Variants in NOTCH4 observed in about 807,000 individuals in gnomAD.
NOTCH4 encodes the protein neurogenic locus notch homolog protein 4.
In NOTCH4, 138 loss-of-function variants were observed where a neutral mutation model predicts 189.0. That is an observed-to-expected ratio of 0.73 (90% CI 0.64 to 0.84). NOTCH4 has a LOEUF of 0.84. Among genes scored for constraint, NOTCH4 ranks in the 40% least tolerant of loss-of-function variants. NOTCH4 has a pLI of 0.00. For missense variants in NOTCH4, 2,286 were observed against 2,605.4 expected, an observed-to-expected ratio of 0.88 and a Z score of 2.67; for synonymous variants, 942 against 1,032.8, an observed-to-expected ratio of 0.91 and a Z score of 1.69.
At chr6:32,209,990 A>T (rs1052520196) in intron 18 of NOTCH4, among the ~76,000 whole-genome samples, 1 of 152,142 alleles carries the variant, frequency 6.6e-6, no homozygotes, top group Non-Finnish European at 1.5e-5. Flanking sequence ...GCAACCACAC[A>T]CACAAAAAAG....
Position 32,202,446 on chromosome 6 carries a change from G to C in NOTCH4, c.3385C>G (p.Pro1129Ala). ...GGAGGGCCACAGCCTTTAGGAGCTG[G>C]TGGGGTCAGGCAGTCAGGACCCCCA... is the stretch of plus-strand genomic sequence containing the variant. ...GYGGPDCLTP[P>A]APKGCGPPSP... The change falls in exon 21 of 30, where the codon CCA becomes GCA. Residue 1129 changes from proline to alanine, a missense_variant. By Grantham distance (27) the Pro-to-Ala change is conservative. Around this residue, in one of 2 missense-constraint regions of NOTCH4, gnomAD observed 1,903 missense variants for 2,261.9 expected, o/e 0.84. Coordinates refer to ENST00000375023, the MANE Select transcript of NOTCH4 (RefSeq NM_004557.4). The surrounding 1 kb of genome is among the most constrained non-coding windows in gnomAD (Gnocchi z 5.7). 1 of 1,612,326 alleles carries C rather than the reference G, an allele frequency of 6.2e-7. No homozygotes were observed. The highest frequency in any genetic ancestry group is 1.1e-5 in the South Asian group (1 of 90,952).
chr6:32,217,849 A>C lies in NOTCH4; in HGVS notation c.1624+146T>G, dbSNP rs1789511498. 2 of 622,180 alleles carry C rather than the reference A, an allele frequency of 3.2e-6. No individual in the cohort carries two copies. The highest frequency in any genetic ancestry group is 2.7e-5 in the Admixed American group (1 of 37,610). The allele number at this position is 622,180 out of a possible 1,614,324, so 38.5% of individuals were successfully genotyped here. A position where few individuals can be genotyped will look rare whatever the true frequency, so the allele number is the denominator to read the frequency against. On this transcript the variant is annotated intron_variant, in intron 9 of 29. Transcript: ENST00000375023. This position sits in a 1 kb window ranked among gnomAD's most constrained non-coding sequence, Gnocchi z 4.2. The stretch of plus-strand genomic sequence containing the variant: ...GGAAGATTTGGGGATGTAAGAGTAG[A>C]GATTTTGGGGAGCAAAGACAGATTT...
rs1788369397 is a variant in NOTCH4 at position 32,201,838 on chromosome 6, G to A, written c.3755+238C>T. The A allele has an allele frequency of 9.6e-6, 4 of 417,916 alleles. No individual in the cohort carries two copies. Among genetic ancestry groups the A allele is most frequent in the Non-Finnish European group, 1.7e-5 (4 of 242,044 alleles). 25.9% of individuals were successfully genotyped at this position (417,916 alleles called of 1,614,324 possible). The stretch of plus-strand genomic sequence containing the variant: ...TTAGGGAAGGAGGCTTGAGACCTGA[G>A]TTCCTTCAACTCTTAGAGAGGAGCC... On this transcript the variant is annotated intron_variant, in intron 21 of 29. Transcript: ENST00000375023. The surrounding 1 kb of genome is among the most constrained non-coding windows in gnomAD (Gnocchi z 5.5).
chr6:32,220,322 C>T lies in NOTCH4; in HGVS notation c.1160-38G>A, dbSNP rs430916. ...GAGGGGGTGAGGCTCTCAAAGGCCA[C>T]TTGAAGCTCCTAGCAGTCCTCCTGG... On this transcript the variant is annotated intron_variant, in intron 6 of 29. Transcript: ENST00000375023. The T allele has an allele frequency of 0.25, 396,301 of 1,608,088 alleles. 52,042 individuals carry two copies. Among genetic ancestry groups the T allele is most frequent in the Middle Eastern group, 0.34 (2,034 of 6,018 alleles).
At position 32,216,720 on chromosome 6, in the gene NOTCH4, C is replaced by T. The variant is rs1789432617; in HGVS notation, c.1861+225G>A. On this transcript the variant is annotated intron_variant, in intron 11 of 29. Coordinates refer to ENST00000375023, the MANE Select transcript of NOTCH4 (RefSeq NM_004557.4). The stretch of plus-strand genomic sequence containing the variant: ...TTGAGCCCCGTCCTCTGCTCCCAAG[C>T]CGCAATCACACCATTTACACTGGGC... 2.4e-5 allele frequency: 15 copies of T among 619,432 alleles called. 2 individuals are homozygous for T. In the South Asian group the frequency reaches 3.0e-4, roughly 12 times the overall value. 38.4% of individuals were successfully genotyped at this position (619,432 alleles called of 1,614,324 possible).
chr6:32,221,405 G>A lies in NOTCH4; in HGVS notation c.452-80C>T. Reference sequence around the variant, plus strand: ...CTGAGGTTACCCAGTGCTCACTCTGGATTATCTCTGGGTCTCATTTTCATA... The same window carrying A: ...CTGAGGTTACCCAGTGCTCACTCTGAATTATCTCTGGGTCTCATTTTCATA... On this transcript the variant is annotated intron_variant, in intron 3 of 29. Coordinates refer to ENST00000375023, the MANE Select transcript of NOTCH4 (RefSeq NM_004557.4). This position sits in a 1 kb window ranked among gnomAD's most constrained non-coding sequence, Gnocchi z 4.3. 1 of 999,844 alleles carries A rather than the reference G, an allele frequency of 1.0e-6. No homozygotes were observed. Among genetic ancestry groups the A allele is most frequent in the Non-Finnish European group, 1.5e-6 (1 of 669,520 alleles). 61.9% of individuals were successfully genotyped at this position (999,844 alleles called of 1,614,324 possible).
chr6:32,215,313 T>C lies in NOTCH4; in HGVS notation c.1934A>G (p.Asp645Gly), dbSNP rs573820604. The part of the protein sequence containing the change: ...QPKQICKDQK[D>G]KANCLCPDGS... ...ATCAGGACAGAGGCAGTTGGCCTTGTCTTTCTGGTCCTTACATATCTGCTT... is the reference window on the plus strand; with the variant it reads ...ATCAGGACAGAGGCAGTTGGCCTTGCCTTTCTGGTCCTTACATATCTGCTT... The change falls in exon 12 of 30, where the codon GAC becomes GGC. Residue 645 changes from aspartate (D) to glycine (G), a missense_variant. Physicochemically the swap from Asp to Gly is moderately conservative, Grantham distance 94. Around this residue, in one of 2 missense-constraint regions of NOTCH4, gnomAD observed 1,903 missense variants for 2,261.9 expected, o/e 0.84. Coordinates refer to ENST00000375023, the MANE Select transcript of NOTCH4 (RefSeq NM_004557.4). The C allele has an allele frequency of 6.2e-7, 1 of 1,609,322 alleles. No homozygotes were observed. Among genetic ancestry groups the C allele is most frequent in the Non-Finnish European group, 8.5e-7 (1 of 1,178,830 alleles).
Position 32,213,820 on chromosome 6 carries a change from TCTC to T in NOTCH4, c.2185_2187del (p.Glu729del). The T allele has an allele frequency of 6.2e-7, 1 of 1,611,764 alleles. No individual in the cohort carries two copies. The highest frequency in any genetic ancestry group is 8.5e-7 in the Non-Finnish European group (1 of 1,179,822). On this transcript the variant is annotated inframe_deletion, in exon 14 of 30. Transcript: ENST00000375023. ...CATGGCCCTGAGTGACAAGCTGTCATCTCCTCACTACAGGTGGGTCCTGAAGGA... is the reference window on the plus strand; with the variant it reads ...CATGGCCCTGAGTGACAAGCTGTCATCTCACTACAGGTGGGTCCTGAAGGA...
In NOTCH4 at chr6:32,213,784, C is replaced by T. The variant is rs1473536819; in HGVS notation, c.2224G>A (p.Gly742Ser). ...ACHSGPCLNG[G>S]SCNPSPGGYY... ...CCTCCAGGGCTAGGGTTGCAGGAGCCGCCATTGAGACATGGCCCTGAGTGA... is the reference window on the plus strand; with the variant it reads ...CCTCCAGGGCTAGGGTTGCAGGAGCTGCCATTGAGACATGGCCCTGAGTGA... The change falls in exon 14 of 30, where the codon GGC (glycine) becomes AGC (serine). Residue 742 changes from glycine (G) to serine (S), a missense_variant. Physicochemically the swap from Gly to Ser is moderately conservative, Grantham distance 56 (BLOSUM62 0). Transcript: ENST00000375023. The T allele has an allele frequency of 2.0e-5, 33 of 1,612,056 alleles. No homozygotes were observed. Among genetic ancestry groups the T allele is most frequent in the South Asian group, 1.1e-4 (10 of 91,034 alleles).
Position 32,210,737 on chromosome 6 carries a change from T to G in NOTCH4, c.2865+15A>C. On this transcript the variant is annotated intron_variant, in intron 18 of 29. Coordinates refer to ENST00000375023, the MANE Select transcript of NOTCH4 (RefSeq NM_004557.4). This position sits in a 1 kb window ranked among gnomAD's most constrained non-coding sequence, Gnocchi z 4.8. ...CCCTTGTCTTTCCTCCCCCTTCTCC[T>G]GCAGACCCTCTCACCTGGCAGAGAT... The G allele has an allele frequency of 6.2e-7, 1 of 1,611,564 alleles. No homozygotes were observed. Among genetic ancestry groups the G allele is most frequent in the South Asian group, 1.1e-5 (1 of 91,030 alleles).
At chr6:32,213,919 C>T in intron 13 of NOTCH4, 79 bp from the exon 14 acceptor site, 1 of 1,537,724 alleles carries the variant, frequency 6.5e-7, no homozygotes, top group Non-Finnish European at 8.9e-7. Flanking sequence ...TCTTCCTTCC[C>T]TTCCTCATCC....
At chr6:32,222,950 C>G (rs542221388) in intron 2 of NOTCH4, 55 bp downstream of exon 2, 31 of 1,560,506 alleles carry the variant, frequency 2.0e-5, no homozygotes, top group African/African-American at 1.1e-4. Flanking sequence ...CCTCTCCCCC[C>G]CTGCTCTCCC....
At chr6:32,219,516 C>T (rs999996922) in intron 8 of NOTCH4, 76 bp downstream of exon 8, 35 of 1,349,890 alleles carry the variant, frequency 2.6e-5, no homozygotes, top group Admixed American at 2.2e-5. Context: ...GCTGTCCTTA[C>T]TCTGGAGGGG....
At chr6:32,203,917 G>T in intron 19 of NOTCH4, 35 bp from the exon 20 acceptor site, 1 of 1,518,940 alleles carries the variant, frequency 6.6e-7, no homozygotes, top group Non-Finnish European at 8.9e-7. Flanking sequence ...GTCACACACT[G>T]CATCAGTCAC....
At position 32,201,604 on chromosome 6, in the gene NOTCH4, G is replaced by T; in HGVS notation, c.3756-104C>A. ...TTTTGTGCCCTCTAGGGCTTTGGTTGCTAAGTGGGGGCAGCTGTGGAGCAA... is the reference window on the plus strand; with the variant it reads ...TTTTGTGCCCTCTAGGGCTTTGGTTTCTAAGTGGGGGCAGCTGTGGAGCAA... On this transcript the variant is annotated intron_variant, in intron 21 of 29. Transcript: ENST00000375023. This position sits in a 1 kb window ranked among gnomAD's most constrained non-coding sequence, Gnocchi z 5.5. 1 of 1,165,112 alleles carries T rather than the reference G, an allele frequency of 8.6e-7. No homozygotes were observed. The highest frequency in any genetic ancestry group is 1.1e-6 in the Non-Finnish European group (1 of 875,328). 72.2% of individuals were successfully genotyped at this position (1,165,112 alleles called of 1,614,324 possible).
chr6:32,218,207 C>T, intron 8 of NOTCH4, 99 bp from the exon 9 acceptor site: 5 of 753,026 alleles, frequency 6.6e-6, no homozygotes, highest in South Asian at 3.1e-5. Context: ...CCCACTCAGG[C>T]GGTCCTCCCC....
rs768440523 is a variant in NOTCH4, at chr6:32,210,983, G to A, written c.2681-47C>T. On this transcript the variant is annotated intron_variant, in intron 17 of 29. Transcript: ENST00000375023. The surrounding 1 kb of genome is among the most constrained non-coding windows in gnomAD (Gnocchi z 4.8). ...GATATACAAAGATAAGTGGGGGGCC[G>A]GGCGCCATGGCTTACGCCTGTAATC... The A allele has an allele frequency of 7.9e-6, 12 of 1,515,166 alleles. No homozygotes were observed. The highest frequency in any genetic ancestry group is 5.6e-5 in the African/African-American group (4 of 71,902). 93.9% of individuals were successfully genotyped at this position (1,515,166 alleles called of 1,614,324 possible). A position where few individuals can be genotyped will look rare whatever the true frequency, so the allele number is the denominator to read the frequency against.
chr6:32,214,277 A>G (rs1270004639), intron 12 of NOTCH4, 22 bp from the exon 13 acceptor site: 1 of 1,610,426 alleles, frequency 6.2e-7, no homozygotes, highest in Non-Finnish European at 8.5e-7. Flanking sequence ...GAGAAAGGGG[A>G]GGGTTTTTCT....
At position 32,199,211 on chromosome 6, in the gene NOTCH4, C is replaced by T; in HGVS notation, c.4316-66G>A. The T allele has an allele frequency of 7.9e-7, 1 of 1,262,038 alleles. No individual in the cohort carries two copies. The highest frequency in any genetic ancestry group is 1.1e-6 in the Non-Finnish European group (1 of 927,490). The allele number at this position is 1,262,038 out of a possible 1,614,324, so 78.2% of individuals were successfully genotyped here. A position where few individuals can be genotyped will look rare whatever the true frequency, so the allele number is the denominator to read the frequency against. Reference sequence around the variant, plus strand: ...GTGAGACTGATTACTATTGGGAGACCTTTGGACAAGTTTAGTAGCCGGTCT... The same window carrying T: ...GTGAGACTGATTACTATTGGGAGACTTTTGGACAAGTTTAGTAGCCGGTCT... On this transcript the variant is annotated intron_variant, in intron 23 of 29. Coordinates refer to ENST00000375023, the MANE Select transcript of NOTCH4 (RefSeq NM_004557.4). This position sits in a 1 kb window ranked among gnomAD's most constrained non-coding sequence, Gnocchi z 4.9.
Sources: allele counts gnomAD v4.1 joint callset (sites outside exome capture counted in the v4.1 genomes callset), GRCh38; gene constraint gnomAD v4.1.1; regional missense constraint gnomAD v4.1.1; non-coding constraint Gnocchi (gnomAD v3.1); transcripts MANE v1.5; gene names NCBI Gene and HGNC (gene_info 2026-07-23, HGNC 2026-07-21).